The following ELAVL2 variants were observed in gnomAD, a reference collection of about 807,000 sequenced individuals.
ELAVL2 encodes ELAV like RNA binding protein 2.
ELAVL2 carries 4 observed loss-of-function variants against 34.6 expected under a neutral mutation model. That is an observed-to-expected ratio of 0.12 (90% CI 0.06 to 0.26). The LOEUF is 0.26. Among genes scored for constraint, ELAVL2 ranks in the 10% least tolerant of loss-of-function variants. The probability of loss-of-function intolerance (pLI) is 1.00; values close to 1 mark genes in which losing one functional copy is unlikely to be tolerated. For synonymous variants in ELAVL2, 193 were observed against 154.8 expected, an observed-to-expected ratio of 1.25 and a Z score of -1.83; for missense variants, 432 against 442.8, an observed-to-expected ratio of 0.98 and a Z score of 0.22.
chr9:23,780,827 C>T (rs1254345634), intron 1 of ELAVL2, among the ~76,000 whole-genome samples: 2 of 152,136 alleles, frequency 1.3e-5, no homozygotes, highest in African/African-American at 4.8e-5. Context: ...GGGCAAGTCA[C>T]AACACTATGT....
At chr9:23,695,416 C>G (rs755180605) in intron 5 of ELAVL2, among the ~76,000 whole-genome samples, 7 of 8,056 alleles carry the variant, frequency 8.7e-4, no homozygotes, top group Non-Finnish European at 1.3e-3. Flanking sequence ...CCACTCAGGA[C>G]ACCAAGCATA....
upstream of ELAVL2, among the ~76,000 whole-genome samples, chr9:23,829,463 A>G (rs967232387): frequency 6.6e-6 from 1 of 152,214 alleles, no homozygotes; most frequent in African/African-American, 2.4e-5. Flanking sequence ...AAAGAAGTTA[A>G]ACTATTAAAA....
chr9:23,810,784 A>G (rs1379493728), intron 1 of ELAVL2, among the ~76,000 whole-genome samples: 1 of 152,120 alleles, frequency 6.6e-6, no homozygotes, highest in African/African-American at 2.4e-5. Context: ...ATTCCCAGGG[A>G]GCTGTGGCAA....
rs1267178211 is a variant in ELAVL2 at position 23,702,955 on chromosome 9, A to C, written c.488-1351T>G. Among the ~76,000 whole-genome samples the C allele has an allele frequency of 9.3e-4, 55 of 59,240 alleles. 2 individuals carry two copies. The highest frequency in any genetic ancestry group is 7.2e-3 in the African/African-American group (43 of 5,964). 38.9% of individuals were successfully genotyped at this position (59,240 alleles called of 152,430 possible). A position where few individuals can be genotyped will look rare whatever the true frequency, so the allele number is the denominator to read the frequency against. On this transcript the variant is annotated intron_variant, in intron 4 of 6. Transcript: ENST00000397312. ...ATTAGAAAAGCATCAGATTAGCAAAAAAAAAAAAAAAAAAAAAAAAAAAAA... is the reference window on the plus strand; with the variant it reads ...ATTAGAAAAGCATCAGATTAGCAAACAAAAAAAAAAAAAAAAAAAAAAAAA...
intron 1 of ELAVL2, among the ~76,000 whole-genome samples, chr9:23,788,207 A>T (rs1348950285): frequency 6.6e-6 from 1 of 152,224 alleles, no homozygotes; most frequent in Non-Finnish European, 1.5e-5. Context: ...ATAAAATATA[A>T]CAAGTGAGTG....
At chr9:23,765,385 A>C (rs2056007161) in intron 1 of ELAVL2, among the ~76,000 whole-genome samples, 1 of 152,162 alleles carries the variant, frequency 6.6e-6, no homozygotes, top group African/African-American at 2.4e-5. Context: ...CACCTCAAAA[A>C]TTTAAAAAAT....
Position 23,690,455 on chromosome 9 carries a change from T to C in ELAVL2, c.*2102A>G, listed in dbSNP as rs1413552755. ...TATTTTATTTTTTAGTGTTTTTCTT[T>C]TTTTAAACGCAGAAGGTTAACTCTG... On this transcript the variant is annotated 3_prime_UTR_variant, in exon 7 of 7. Transcript: ENST00000397312. The C allele has an allele frequency of 6.6e-6, 1 of 152,542 alleles. No individual in the cohort carries two copies. The highest frequency in any genetic ancestry group is 6.6e-5 in the Admixed American group (1 of 15,260). 9.4% of individuals were successfully genotyped at this position (152,542 alleles called of 1,614,324 possible).
chr9:23,740,266 T>C (rs1048089187), intron 2 of ELAVL2, among the ~76,000 whole-genome samples: 5 of 152,138 alleles, frequency 3.3e-5, no homozygotes, highest in African/African-American at 1.2e-4. Context: ...ATCCTTACAT[T>C]ACATATATCA....
chr9:23,830,626 CTT>C (rs1166898887), upstream of ELAVL2, among the ~76,000 whole-genome samples: 47 of 72,530 alleles, frequency 6.5e-4, no homozygotes, highest in Admixed American at 2.5e-3. Flanking sequence ...ACACACACAC[CTT>C]TTTTTTTTTT....
intron 2 of ELAVL2, among the ~76,000 whole-genome samples, chr9:23,757,144 G>C (rs1182996368): frequency 6.6e-6 from 1 of 152,122 alleles, no homozygotes; most frequent in Non-Finnish European, 1.5e-5. Context: ...AATGTTTCTA[G>C]AGAAGCACAG....
intron 3 of ELAVL2, among the ~76,000 whole-genome samples, chr9:23,725,416 T>C (rs2044842358): frequency 6.6e-6 from 1 of 152,164 alleles, no homozygotes; most frequent in African/African-American, 2.4e-5. Flanking sequence ...TTATGGCTAT[T>C]AGAGCCACTC....
chr9:23,779,109 C>G (rs1588423091), intron 1 of ELAVL2: 37 of 857,586 alleles, frequency 4.3e-5, no homozygotes, highest in Non-Finnish European at 4.6e-5. Flanking sequence ...ACCAGAAGCC[C>G]TTGAATTAAC....
At chr9:23,812,849 T>C (rs1039859713) in intron 1 of ELAVL2, among the ~76,000 whole-genome samples, 2 of 151,940 alleles carry the variant, frequency 1.3e-5, no homozygotes, top group African/African-American at 4.8e-5. Flanking sequence ...AGATGTTCAA[T>C]ACAGGGGCAC....
chr9:23,837,070 G>C, the ELAVL2 span, among the ~76,000 whole-genome samples: 1 of 152,138 alleles, frequency 6.6e-6, no homozygotes, highest in Admixed American at 6.6e-5. Flanking sequence ...TAGAAGAAGA[G>C]TTCATGACAC....
At chr9:23,823,633 A>AT (rs145946139) in intron 1 of ELAVL2, among the ~76,000 whole-genome samples, 2 of 152,072 alleles carry the variant, frequency 1.3e-5, no homozygotes, top group African/African-American at 2.4e-5. Flanking sequence ...CTCTCAACAT[A>AT]TTTTTTTGCG....
intron 1 of ELAVL2, among the ~76,000 whole-genome samples, chr9:23,799,978 G>C (rs938518736): frequency 6.6e-6 from 1 of 152,140 alleles, no homozygotes; most frequent in Non-Finnish European, 1.5e-5. Context: ...GCAGGGGACA[G>C]ACCTAATCTT....
At chr9:23,799,264 A>G (rs1461323815) in intron 1 of ELAVL2, among the ~76,000 whole-genome samples, 2 of 152,204 alleles carry the variant, frequency 1.3e-5, no homozygotes, top group East Asian at 3.9e-4. Context: ...CAGGAGTAGC[A>G]CCAAACCTTC....
At chr9:23,823,632 T>G (rs894406720) in intron 1 of ELAVL2, among the ~76,000 whole-genome samples, 2 of 152,208 alleles carry the variant, frequency 1.3e-5, no homozygotes, top group Admixed American at 6.5e-5. Context: ...ACTCTCAACA[T>G]ATTTTTTTGC....
intron 3 of ELAVL2, 51 bp downstream of exon 3, chr9:23,730,971 T>C: frequency 1.3e-6 from 2 of 1,520,842 alleles, no homozygotes; most frequent in Non-Finnish European, 1.8e-6. Context: ...TAAATCTTAA[T>C]TTTTTTAAAC....
Sources: allele counts gnomAD v4.1 joint callset (sites outside exome capture counted in the v4.1 genomes callset), GRCh38; gene constraint gnomAD v4.1.1; transcripts MANE v1.5; gene names NCBI Gene and HGNC (gene_info 2026-07-23, HGNC 2026-07-21).